RPS6KA2: variants seen among roughly 807,000 people sequenced by gnomAD.
RPS6KA2 encodes the protein ribosomal protein S6 kinase alpha-2.
In RPS6KA2, 42 loss-of-function variants were observed where a neutral mutation model predicts 91.8. The observed-to-expected ratio is 0.46, with a 90% confidence interval of 0.36 to 0.59. The LOEUF (loss-of-function observed/expected upper bound fraction) is 0.59, where lower values mean the gene tolerates loss of function less well. Among genes scored for constraint, RPS6KA2 ranks in the 20% least tolerant of loss-of-function variants. The pLI, the probability that RPS6KA2 is intolerant of heterozygous loss-of-function variation, is 0.00. For synonymous variants in RPS6KA2, 414 were observed against 393.6 expected (o/e 1.05, Z -0.61); for missense variants, 798 against 978.5 (o/e 0.82, Z 2.46).
chr6:166,558,772 G>C (rs1784252567), intron 1 of RPS6KA2, among the ~76,000 whole-genome samples: 1 of 152,228 alleles, frequency 6.6e-6, no homozygotes. Flanking sequence ...CCACACCGTG[G>C]AGAAAGTCTA....
rs757965176 is a variant in RPS6KA2, at chr6:166,508,958, G to A, written c.380-676C>T. Among the ~76,000 whole-genome samples the A allele has an allele frequency of 2.0e-5, 3 of 152,232 alleles. No homozygotes were observed. Among genetic ancestry groups the A allele is most frequent in the Non-Finnish European group, 2.9e-5 (2 of 68,046 alleles). On this transcript the variant is annotated intron_variant, in intron 4 of 20. Coordinates refer to ENST00000265678, the MANE Select transcript of RPS6KA2 (RefSeq NM_021135.6). This position sits in a 1 kb window ranked among gnomAD's most constrained non-coding sequence, Gnocchi z 4.3. Reference sequence around the variant, plus strand: ...AGCACGGGAGGGTCTAGAGAAGCCCGTCACCATCGCTGCTGTGACGATGGT... The same window carrying A: ...AGCACGGGAGGGTCTAGAGAAGCCCATCACCATCGCTGCTGTGACGATGGT...
intron 2 of RPS6KA2, among the ~76,000 whole-genome samples, chr6:166,790,859 G>A (rs1245692593): frequency 6.6e-6 from 1 of 151,972 alleles, no homozygotes; most frequent in East Asian, 1.9e-4. Context: ...AGCTCCTGAA[G>A]GAAGCACTAA....
chr6:166,589,912 C>A (rs1785302510), intron 1 of RPS6KA2, among the ~76,000 whole-genome samples: 1 of 152,142 alleles, frequency 6.6e-6, no homozygotes, highest in African/African-American at 2.4e-5. Flanking sequence ...AGATCATACC[C>A]ACCAACCCAA....
chr6:166,578,989 A>G (rs1220470165), intron 1 of RPS6KA2, among the ~76,000 whole-genome samples: 2 of 152,152 alleles, frequency 1.3e-5, no homozygotes, highest in African/African-American at 4.8e-5. Flanking sequence ...TCTATATTTC[A>G]CATTTAGTGA....
chr6:166,834,695 T>C (rs1175952203), intron 2 of RPS6KA2, among the ~76,000 whole-genome samples: 4 of 152,220 alleles, frequency 2.6e-5, no homozygotes, highest in African/African-American at 9.6e-5. Context: ...GTTGTAAGAG[T>C]TCCTGATGTA....
intron 2 of RPS6KA2, among the ~76,000 whole-genome samples, chr6:166,842,844 A>C (rs1447142091): frequency 6.6e-6 from 1 of 152,186 alleles, no homozygotes; most frequent in Non-Finnish European, 1.5e-5. Flanking sequence ...CCACATCGTG[A>C]ACTTTTGTTC....
At chr6:166,819,075 A>G (rs1005593790) in intron 2 of RPS6KA2, among the ~76,000 whole-genome samples, 2 of 152,022 alleles carry the variant, frequency 1.3e-5, no homozygotes, top group Non-Finnish European at 2.9e-5. Context: ...GGTTTAGCAC[A>G]TGGACACGCC....
intron 1 of RPS6KA2, among the ~76,000 whole-genome samples, chr6:166,599,890 C>T (rs942492746): frequency 6.6e-6 from 1 of 152,158 alleles, no homozygotes; most frequent in African/African-American, 2.4e-5. Context: ...GAGCAGAAGC[C>T]ACCATCTCCC....
Position 166,767,774 on chromosome 6 carries a change from AACACACACACACACAC to A in RPS6KA2, c.123+90410_123+90425del, listed in dbSNP as rs71639661. On this transcript the variant is annotated intron_variant, in intron 2 of 21. Coordinates refer to the RPS6KA2 transcript ENST00000503859. The surrounding 1 kb of genome is among the most constrained non-coding windows in gnomAD (Gnocchi z 4.6). The stretch of plus-strand genomic sequence containing the variant: ...AAGAACTAAAGACAATACCTCCTCA[AACACACACACACACAC>A]ACACACACACACACACACACACACA... 0.25 allele frequency among the ~76,000 whole-genome samples: 36,081 copies of A among 146,910 alleles called. 4,503 individuals are homozygous for A. Among genetic ancestry groups the A allele is most frequent in the Non-Finnish European group, 0.29 (19,161 of 66,398 alleles).
At chr6:166,476,831 G>C (rs951988169) in intron 10 of RPS6KA2, among the ~76,000 whole-genome samples, 2 of 152,158 alleles carry the variant, frequency 1.3e-5, no homozygotes, top group Non-Finnish European at 2.9e-5. Context: ...GGAGAGCTCT[G>C]GCATTGAGAG....
At chr6:166,678,630 T>C (rs1788686266) in intron 2 of RPS6KA2, among the ~76,000 whole-genome samples, 1 of 152,224 alleles carries the variant, frequency 6.6e-6, no homozygotes, top group Non-Finnish European at 1.5e-5. Context: ...ATGTTTGCTG[T>C]TCTGCGTCAC....
At chr6:166,782,995 G>A (rs1778809446) in intron 2 of RPS6KA2, among the ~76,000 whole-genome samples, 1 of 151,832 alleles carries the variant, frequency 6.6e-6, no homozygotes, top group African/African-American at 2.4e-5. Context: ...GTGCTGTGGT[G>A]CCCAGTTGTT....
intron 2 of RPS6KA2, among the ~76,000 whole-genome samples, chr6:166,822,585 C>T (rs747952093): frequency 8.5e-5 from 13 of 152,286 alleles, no homozygotes; most frequent in Non-Finnish European, 1.6e-4. Flanking sequence ...CAGACACAAA[C>T]GATTTCCAGC....
At chr6:166,485,179 G>A (rs1243231979) in intron 10 of RPS6KA2, among the ~76,000 whole-genome samples, 1 of 152,202 alleles carries the variant, frequency 6.6e-6, no homozygotes, top group African/African-American at 2.4e-5. Context: ...GGGGAGGAGA[G>A]CCACAGACAC....
intron 12 of RPS6KA2, among the ~76,000 whole-genome samples, chr6:166,457,090 ACTTT>A (rs1252956691): frequency 6.6e-6 from 1 of 152,210 alleles, no homozygotes; most frequent in Non-Finnish European, 1.5e-5. Flanking sequence ...ACAAACATAG[ACTTT>A]CTTTCCACAT....
intron 1 of RPS6KA2, among the ~76,000 whole-genome samples, chr6:166,616,138 G>A (rs1176577684): frequency 1.3e-5 from 2 of 152,188 alleles, no homozygotes; most frequent in Non-Finnish European, 2.9e-5. Context: ...GACCTGCCAT[G>A]CCACCTGAGA....
chr6:166,429,427 AAAG>A (rs988224507), intron 16 of RPS6KA2, among the ~76,000 whole-genome samples: 25 of 152,122 alleles, frequency 1.6e-4, no homozygotes, highest in South Asian at 8.3e-4. Flanking sequence ...CCTAAAACTT[AAAG>A]TATAATAATA....
chr6:166,540,968 C>T (rs974041670), intron 1 of RPS6KA2, among the ~76,000 whole-genome samples: 7 of 152,142 alleles, frequency 4.6e-5, no homozygotes, highest in African/African-American at 1.2e-4. Context: ...AAATTGCAGA[C>T]GATTTGTCAT....
At chr6:166,705,701 T>C (rs1789661914) in intron 2 of RPS6KA2, among the ~76,000 whole-genome samples, 1 of 152,212 alleles carries the variant, frequency 6.6e-6, no homozygotes. Context: ...GACACAATCC[T>C]AGACATAGAC....
Sources: allele counts gnomAD v4.1 joint callset (sites outside exome capture counted in the v4.1 genomes callset), GRCh38; gene constraint gnomAD v4.1.1; non-coding constraint Gnocchi (gnomAD v3.1); transcripts MANE v1.5; gene names NCBI Gene and HGNC (gene_info 2026-07-23, HGNC 2026-07-21).